UFSP2: variants seen among roughly 807,000 people sequenced by gnomAD.
UFSP2 encodes ufm1-specific protease 2.
Under a neutral mutation model 60.2 loss-of-function variants are expected in UFSP2, and 43 were observed. The ratio of observed to expected loss-of-function variants is 0.71; its 90% confidence interval spans 0.56 to 0.92. UFSP2 has a LOEUF of 0.92. UFSP2 is among the 40% of genes least tolerant of loss of function. The pLI is 0.00. For missense variants in UFSP2, 520 were observed against 575.0 expected (o/e 0.90, Z 0.98); for synonymous variants, 183 against 195.1 (o/e 0.94, Z 0.52).
At chr4:185,423,769 TAC>T (rs1468262379) in intron 1 of UFSP2, among the ~76,000 whole-genome samples, 3 of 151,850 alleles carry the variant, frequency 2.0e-5, no homozygotes, top group African/African-American at 7.3e-5. Context: ...TACACATATA[TAC>T]ACACACAGAT....
chr4:185,409,261 G>A (rs2153280780), intron 7 of UFSP2, among the ~76,000 whole-genome samples: 1 of 152,124 alleles, frequency 6.6e-6, no homozygotes, highest in African/African-American at 2.4e-5. Context: ...TAAGTTAAGG[G>A]TCAAAAAATA....
Position 185,415,744 on chromosome 4 carries a change from C to A in UFSP2, c.457G>T (p.Val153Phe). Reference sequence around the variant, plus strand: ...GTTTCTTCTGGAGCAACAGATATAACTGCATCGACAGGTAAAGTCATATTA... The same window carrying A: ...GTTTCTTCTGGAGCAACAGATATAAATGCATCGACAGGTAAAGTCATATTA... ...YVNMTLPVDA[V>F]ISVAPEETWG... Residue 153 changes from valine (V) to phenylalanine (F), a missense_variant, in exon 5 of 12, where the codon GTT becomes TTT. Transcript: ENST00000264689. 1.2e-6 allele frequency: 2 copies of A among 1,613,302 alleles called. No homozygotes were observed. Among genetic ancestry groups the A allele is most frequent in the Non-Finnish European group, 1.7e-6 (2 of 1,179,638 alleles).
chr4:185,410,252 T>A (rs1350079746), intron 7 of UFSP2, among the ~76,000 whole-genome samples: 1 of 151,630 alleles, frequency 6.6e-6, no homozygotes. Flanking sequence ...AATAGAAAAA[T>A]ATAAAAATAC....
rs774525409 is a variant in UFSP2 at position 185,405,872 on chromosome 4, T to C, written c.1122-16A>G. 3 of 1,613,874 alleles carry C rather than the reference T, an allele frequency of 1.9e-6. No homozygotes were observed. Among genetic ancestry groups the C allele is most frequent in the African/African-American group, 2.7e-5 (2 of 74,914 alleles). On this transcript the variant is annotated splice_polypyrimidine_tract_variant and intron_variant, in intron 9 of 11. Coordinates refer to ENST00000264689, the MANE Select transcript of UFSP2 (RefSeq NM_018359.5). ...TGAACCTTGGCTAGAAAGAAACCAT[T>C]TTCTATCAGATGAACTACTTCCAAC...
At chr4:185,408,553 T>TA in intron 7 of UFSP2, 118 bp from the exon 8 acceptor site, 1 of 1,049,536 alleles carries the variant, frequency 9.5e-7, no homozygotes, top group Non-Finnish European at 1.4e-6. Context: ...TAGTTCCTTA[T>TA]AAAAATGCCT....
At chr4:185,410,549 G>C (rs1257600871) in intron 7 of UFSP2, among the ~76,000 whole-genome samples, 1 of 152,148 alleles carries the variant, frequency 6.6e-6, no homozygotes, top group Non-Finnish European at 1.5e-5. Flanking sequence ...TGGGGAGGCT[G>C]AGGCAGGAGA....
chr4:185,403,848 G>A (rs2126877661), intron 10 of UFSP2, among the ~76,000 whole-genome samples: 1 of 151,466 alleles, frequency 6.6e-6, no homozygotes, highest in Non-Finnish European at 1.5e-5. Context: ...TTGGTGGCAG[G>A]CGCCTGTAGT....
Position 185,400,033 on chromosome 4 carries a change from G to A in UFSP2, c.*359C>T, listed in dbSNP as rs771405507. ...TAAAAACAGATGTCACGTGGGTTATGAAGAAGTCTGAAGAACGCCTTCATT... is the reference window on the plus strand; with the variant it reads ...TAAAAACAGATGTCACGTGGGTTATAAAGAAGTCTGAAGAACGCCTTCATT... On this transcript the variant is annotated 3_prime_UTR_variant, in exon 12 of 12. Coordinates refer to ENST00000264689, the MANE Select transcript of UFSP2 (RefSeq NM_018359.5). 1.3e-6 allele frequency: 2 copies of A among 1,585,696 alleles called. No homozygotes were observed. Among genetic ancestry groups the A allele is most frequent in the Non-Finnish European group, 1.7e-6 (2 of 1,161,848 alleles).
At chr4:185,413,602 T>C in intron 7 of UFSP2, 124 bp downstream of exon 7, 1 of 962,220 alleles carries the variant, frequency 1.0e-6, no homozygotes, top group East Asian at 2.7e-5. Context: ...TTAACAGAGA[T>C]GGGTGATAAA....
At position 185,425,962 on chromosome 4, in the gene UFSP2, G is replaced by C; in HGVS notation, c.-94C>G. 1.4e-6 allele frequency: 2 copies of C among 1,462,956 alleles called. No individual in the cohort carries two copies. Among genetic ancestry groups the C allele is most frequent in the South Asian group, 1.2e-5 (1 of 82,204 alleles). 90.6% of individuals were successfully genotyped at this position (1,462,956 alleles called of 1,614,324 possible). On this transcript the variant is annotated 5_prime_UTR_variant, in exon 1 of 12. Coordinates refer to ENST00000264689, the MANE Select transcript of UFSP2 (RefSeq NM_018359.5). ...GTGTCACCGCACGGCCCAGGGGCGG[G>C]GCCCGGGCGGACCAACTACAACTCC...
In UFSP2 at chr4:185,415,775, A is replaced by T; in HGVS notation, c.426T>A (p.His142Gln). The change falls in exon 5 of 12, where the codon CAT (histidine) becomes CAA (glutamine). Residue 142 changes from histidine (H) to glutamine (Q), a missense_variant. His to Gln is a conservative substitution (Grantham distance 24). Transcript: ENST00000264689. ...PIIERESGGH[H>Q]YVNMTLPVDA... ...CGACAGGTAAAGTCATATTAACATA[A>T]TGGTGTCCTCCGCTTTCCCTTTCAA... 6.2e-7 allele frequency: 1 copy of T among 1,613,830 alleles called. No homozygotes were observed. Among genetic ancestry groups the T allele is most frequent in the Non-Finnish European group, 8.5e-7 (1 of 1,179,734 alleles).
At chr4:185,412,148 T>G (rs2095530507) in intron 7 of UFSP2, among the ~76,000 whole-genome samples, 2 of 152,240 alleles carry the variant, frequency 1.3e-5, no homozygotes, top group Admixed American at 6.5e-5. Context: ...ATGTTATATG[T>G]ACATATCAAA....
Position 185,415,308 on chromosome 4 carries a change from T to C in UFSP2, c.531A>G (p.Leu177=), listed in dbSNP as rs1185905200. ...KLLVDAIHNQ[L]TDMEKCILKY... ...TCAAAATACATTTTTCCATGTCAGT[T>C]AGTTGATTATGAATTGCATCAACCA... Residue 177 remains leucine, a synonymous_variant, in exon 6 of 12, where the codon CTA becomes CTG. Transcript: ENST00000264689. The C allele has an allele frequency of 1.3e-6, 2 of 1,599,606 alleles. No individual in the cohort carries two copies. Among genetic ancestry groups the C allele is most frequent in the African/African-American group, 1.4e-5 (1 of 74,032 alleles).
intron 4 of UFSP2, among the ~76,000 whole-genome samples, chr4:185,416,255 C>T (rs539932423): frequency 3.3e-5 from 5 of 152,278 alleles, no homozygotes; most frequent in Admixed American, 1.3e-4. Context: ...GTTAAAGCCA[C>T]GCATAGGTTC....
intron 5 of UFSP2, 80 bp downstream of exon 5, chr4:185,415,630 T>C: frequency 7.2e-6 from 9 of 1,248,056 alleles, no homozygotes; most frequent in Non-Finnish European, 9.9e-6. Flanking sequence ...ACACCTTAGG[T>C]ATACCTACAG....
At chr4:185,405,893 C>T in intron 9 of UFSP2, 37 bp from the exon 10 acceptor site, 1 of 1,613,698 alleles carries the variant, frequency 6.2e-7, no homozygotes. Context: ...TGAACTACTT[C>T]CAACACTACG....
intron 2 of UFSP2, among the ~76,000 whole-genome samples, chr4:185,419,148 T>C (rs1021065386): frequency 1.3e-5 from 2 of 152,140 alleles, no homozygotes; most frequent in African/African-American, 2.4e-5. Context: ...TCTTTTTTTT[T>C]TGAGATGGAG....
In UFSP2 at chr4:185,413,828, G is replaced by A; in HGVS notation, c.729C>T (p.Phe243=). 2 of 1,613,076 alleles carry A rather than the reference G, an allele frequency of 1.2e-6. No homozygotes were observed. The highest frequency in any genetic ancestry group is 2.2e-5 in the South Asian group (2 of 90,970). ...LFNLPHDRPY[F]KRSNAYHFPD... is the part of the protein sequence containing the mutation. ...GAAAGTGATAAGCATTAGACCTTTT[G>A]AAATAGGGTCTGTCGTGAGGCAGAT... The change falls in exon 7 of 12, where the codon TTC becomes TTT. Residue 243 remains phenylalanine (F), a synonymous_variant. Transcript: ENST00000264689.
At position 185,407,942 on chromosome 4, in the gene UFSP2, A is replaced by C; in HGVS notation, c.1115T>G (p.Phe372Cys). Reference sequence around the variant, plus strand: ...TTTCTTAAAGTGTGCTTACCTGACAAACAGGATTTTTGACGTTATACCGAT... The same window carrying C: ...TTTCTTAAAGTGTGCTTACCTGACACACAGGATTTTTGACGTTATACCGAT... The part of the protein sequence containing the change: ...QLIGITSKIL[F>C]VSQGSEIASQ... The change falls in exon 9 of 12, where the codon TTT becomes TGT. Residue 372 changes from phenylalanine (F) to cysteine (C), a missense_variant. Transcript: ENST00000264689. The C allele has an allele frequency of 1.2e-6, 2 of 1,613,658 alleles. No individual in the cohort carries two copies. The highest frequency in any genetic ancestry group is 1.7e-6 in the Non-Finnish European group (2 of 1,179,856).
Sources: gnomAD v4.1 joint callset for allele counts (sites outside exome capture counted in the v4.1 genomes callset) on GRCh38, gnomAD v4.1.1 for gene constraint, MANE v1.5 for transcripts, NCBI Gene and HGNC (gene_info 2026-07-23, HGNC 2026-07-21) for gene names.